PTPRD: variants seen among roughly 807,000 people sequenced by gnomAD.
The protein encoded by PTPRD is protein tyrosine phosphatase receptor type D.
Under a neutral mutation model 214.5 loss-of-function variants are expected in PTPRD, and 34 were observed. That is an observed-to-expected ratio of 0.16 (90% confidence interval 0.12 to 0.21). The LOEUF (loss-of-function observed/expected upper bound fraction) is 0.21, where lower values mean the gene tolerates loss of function less well. Ranked by LOEUF, PTPRD falls within the 10% of genes least tolerant of loss-of-function variation. PTPRD has a pLI of 1.00. For synonymous variants in PTPRD, 1,128 were observed against 845.7 expected, an observed-to-expected ratio of 1.33 and a Z score of -5.79; for missense variants, 2,545 against 2,398.7, an observed-to-expected ratio of 1.06 and a Z score of -1.27.
intron 10 of PTPRD, among the ~76,000 whole-genome samples, chr9:9,061,201 G>C (rs1344430381): frequency 6.6e-6 from 1 of 152,084 alleles, no homozygotes; most frequent in Admixed American, 6.6e-5. Context: ...AAATTCCTTT[G>C]GTTGTAAATT....
chr9:10,442,175 T>C (rs925386826), intron 2 of PTPRD, among the ~76,000 whole-genome samples: 10 of 151,692 alleles, frequency 6.6e-5, no homozygotes, highest in Non-Finnish European at 1.5e-4. Flanking sequence ...GAATTTGTTA[T>C]TGATTATTCA....
chr9:9,855,158 C>G (rs1323793), intron 5 of PTPRD, among the ~76,000 whole-genome samples: 66,102 of 152,036 alleles, frequency 0.43, 16,617 homozygotes, highest in Non-Finnish European at 0.58. Flanking sequence ...GTCAAGGTAG[C>G]CTTTCTTCTT....
intron 14 of PTPRD, among the ~76,000 whole-genome samples, chr9:8,554,365 AT>A (rs2083072432): frequency 1.3e-5 from 2 of 152,350 alleles, no homozygotes; most frequent in South Asian, 4.1e-4. Context: ...ACAGAAATTG[AT>A]TTTAATATAG....
At chr9:8,636,275 T>C (rs1187795580) in intron 13 of PTPRD, among the ~76,000 whole-genome samples, 2 of 152,178 alleles carry the variant, frequency 1.3e-5, no homozygotes, top group African/African-American at 2.4e-5. Flanking sequence ...AGATTCTGAT[T>C]GGCTTAAATT....
intron 2 of PTPRD, among the ~76,000 whole-genome samples, chr9:10,405,393 A>C (rs2098337378): frequency 6.6e-6 from 1 of 151,724 alleles, no homozygotes; most frequent in South Asian, 2.1e-4. Flanking sequence ...CAAGAAAAGT[A>C]AACTTTCTGG....
chr9:9,949,035 C>T (rs1037125704), intron 4 of PTPRD, among the ~76,000 whole-genome samples: 14 of 151,900 alleles, frequency 9.2e-5, no homozygotes, highest in Middle Eastern at 3.4e-3. Context: ...GTGAAGAATA[C>T]GAGAAAACAA....
At chr9:9,822,056 T>C (rs1219790610) in intron 5 of PTPRD, among the ~76,000 whole-genome samples, 2 of 151,720 alleles carry the variant, frequency 1.3e-5, no homozygotes, top group East Asian at 3.9e-4. Context: ...AGGCATCATG[T>C]CCAAAAATCA....
intron 10 of PTPRD, among the ~76,000 whole-genome samples, chr9:9,138,761 T>C (rs976043155): frequency 1.3e-5 from 2 of 152,162 alleles, no homozygotes; most frequent in Non-Finnish European, 2.9e-5. Context: ...CACAGAGTTG[T>C]TTATCTAGAA....
Position 8,733,914 on chromosome 9 carries a change from G to T in PTPRD, c.-71C>A, listed in dbSNP as rs1258342656. 6 of 1,463,320 alleles carry T rather than the reference G, an allele frequency of 4.1e-6. No individual in the cohort carries two copies. The African/African-American group carries it at 5.6e-5, about 14-fold the overall frequency. The allele number at this position is 1,463,320 out of a possible 1,614,324, so 90.6% of individuals were successfully genotyped here. A position where few individuals can be genotyped will look rare whatever the true frequency, so the allele number is the denominator to read the frequency against. On this transcript the variant is annotated 5_prime_UTR_variant, in exon 12 of 46. Coordinates refer to ENST00000381196, the MANE Select transcript of PTPRD (RefSeq NM_002839.4). ...CTCCGGAGCCGCAGCGAGTCTGTCC[G>T]ATCTGAAATTTCAGCTGGAACACTT...
At position 8,376,073 on chromosome 9, in the gene PTPRD, C is replaced by G. The variant is rs1276939463; in HGVS notation, c.4524G>C (p.Lys1508Asn). Residue 1508 changes from lysine (K) to asparagine (N), a missense_variant, in exon 39 of 46, where the codon AAG becomes AAC. Physicochemically the swap from Lys to Asn is moderately conservative, Grantham distance 94. Transcript: ENST00000381196. ...FALYKNGSSE[K>N]REVRQFQFTA... ...TGAACTGGAATTGTCTCACTTCTCTCTTCTCACTTGAACCATTCTGTGAAA... is the reference window on the plus strand; with the variant it reads ...TGAACTGGAATTGTCTCACTTCTCTGTTCTCACTTGAACCATTCTGTGAAA... 1 of 1,612,704 alleles carries G rather than the reference C, an allele frequency of 6.2e-7. No homozygotes were observed. Among genetic ancestry groups the G allele is most frequent in the Non-Finnish European group, 8.5e-7 (1 of 1,179,150 alleles).
At chr9:10,189,136 C>T (rs2099351245) in intron 3 of PTPRD, among the ~76,000 whole-genome samples, 1 of 152,138 alleles carries the variant, frequency 6.6e-6, no homozygotes, top group African/African-American at 2.4e-5. Flanking sequence ...TATGTAAGTT[C>T]TATGAATAAA....
At chr9:9,436,505 G>A (rs913617907) in intron 8 of PTPRD, among the ~76,000 whole-genome samples, 1 of 151,858 alleles carries the variant, frequency 6.6e-6, no homozygotes, top group Non-Finnish European at 1.5e-5. Context: ...CTTGATTTTT[G>A]GATGGAGTTT....
At chr9:8,756,097 G>GC (rs1188671992) in intron 11 of PTPRD, among the ~76,000 whole-genome samples, 1 of 152,138 alleles carries the variant, frequency 6.6e-6, no homozygotes, top group African/African-American at 2.4e-5. Flanking sequence ...TAGAGGGAAG[G>GC]CCCCTGGGGC....
intron 3 of PTPRD, among the ~76,000 whole-genome samples, chr9:10,134,225 C>T (rs894086767): frequency 1.3e-5 from 2 of 152,164 alleles, no homozygotes; most frequent in African/African-American, 4.8e-5. Context: ...CTCCAGAGAG[C>T]TGCAGGTCTC....
chr9:9,394,144 C>T (rs2066890016), intron 9 of PTPRD, among the ~76,000 whole-genome samples: 1 of 152,126 alleles, frequency 6.6e-6, no homozygotes, highest in African/African-American at 2.4e-5. Context: ...TGTCCCTTTA[C>T]ATCATTTAAT....
chr9:9,617,054 C>T (rs2094915422), intron 7 of PTPRD, among the ~76,000 whole-genome samples: 1 of 152,162 alleles, frequency 6.6e-6, no homozygotes, highest in Non-Finnish European at 1.5e-5. Flanking sequence ...TTTGGAGTTT[C>T]ACCCTGTGAA....
At chr9:9,656,855 G>A (rs929399941) in intron 7 of PTPRD, among the ~76,000 whole-genome samples, 1 of 151,838 alleles carries the variant, frequency 6.6e-6, no homozygotes, top group South Asian at 2.1e-4. Flanking sequence ...AAGGTTGTAG[G>A]TGAATAGGAA....
chr9:10,187,855 A>C (rs2099345169), intron 3 of PTPRD, among the ~76,000 whole-genome samples: 1 of 152,212 alleles, frequency 6.6e-6, no homozygotes, highest in South Asian at 2.1e-4. Flanking sequence ...TCCTATTCAT[A>C]CTTTACAATC....
intron 4 of PTPRD, among the ~76,000 whole-genome samples, chr9:9,961,496 C>G (rs990972281): frequency 6.6e-6 from 1 of 152,088 alleles, no homozygotes; most frequent in Non-Finnish European, 1.5e-5. Context: ...TTCCCAGGAG[C>G]ATTAGTAAAA....
Sources: allele counts gnomAD v4.1 joint callset (sites outside exome capture counted in the v4.1 genomes callset), GRCh38; gene constraint gnomAD v4.1.1; transcripts MANE v1.5; gene names NCBI Gene and HGNC (gene_info 2026-07-23, HGNC 2026-07-21).